SBF2: variants seen among roughly 807,000 people sequenced by gnomAD.
The protein encoded by SBF2 is SET binding factor 2.
SBF2 carries 112 observed loss-of-function variants against 225.2 expected under a neutral mutation model. That is an observed-to-expected ratio of 0.50 (90% CI 0.43 to 0.58). SBF2 has a LOEUF of 0.58. Ranked by LOEUF, SBF2 falls within the 20% of genes least tolerant of loss-of-function variation. The probability of loss-of-function intolerance (pLI) is 0.00; values close to 1 mark genes in which losing one functional copy is unlikely to be tolerated. For synonymous variants in SBF2, 763 were observed against 773.3 expected (o/e 0.99, Z 0.22); for missense variants, 1,996 against 2,206.2 (o/e 0.90, Z 1.91).
intron 1 of SBF2, among the ~76,000 whole-genome samples, chr11:10,229,001 T>G (rs544127067): frequency 1.3e-5 from 2 of 152,324 alleles, no homozygotes. Flanking sequence ...TTTCAGCTCC[T>G]GTTATTGGTC....
chr11:10,260,632 G>A (rs1371326484), intron 1 of SBF2, among the ~76,000 whole-genome samples: 1 of 151,372 alleles, frequency 6.6e-6, no homozygotes, highest in Non-Finnish European at 1.5e-5. Flanking sequence ...GAACCCAGGA[G>A]GCAGAGCTTG....
At chr11:9,935,894 T>A (rs1455904486) in intron 16 of SBF2, among the ~76,000 whole-genome samples, 1 of 152,178 alleles carries the variant, frequency 6.6e-6, no homozygotes, top group Non-Finnish European at 1.5e-5. Flanking sequence ...GACACAGGCA[T>A]TGGTAAGGAC....
At chr11:10,122,062 T>C (rs1283974792) in intron 2 of SBF2, among the ~76,000 whole-genome samples, 1 of 152,144 alleles carries the variant, frequency 6.6e-6, no homozygotes, top group East Asian at 1.9e-4. Flanking sequence ...AGAGAAGCCA[T>C]AAAGTGCTTC....
At chr11:10,096,847 G>A (rs746467705) in intron 2 of SBF2, among the ~76,000 whole-genome samples, 1 of 151,998 alleles carries the variant, frequency 6.6e-6, no homozygotes, top group African/African-American at 2.4e-5. Context: ...AAATTATAGT[G>A]CTAATCATTC....
Position 10,015,632 on chromosome 11 carries a change from C to T in SBF2, c.619+12820G>A, listed in dbSNP as rs138453017. ...CTTGAGGTAGATTTTGACAGAGATG[C>T]ATTAGTTAAGGAGAAAAGAAAAGCA... is the stretch of plus-strand genomic sequence containing the variant. On this transcript the variant is annotated intron_variant, in intron 6 of 39. Coordinates refer to ENST00000256190, the MANE Select transcript of SBF2 (RefSeq NM_030962.4). Among the ~76,000 whole-genome samples the T allele has an allele frequency of 3.8e-3, 578 of 152,222 alleles. 4 individuals are homozygous for T. Among genetic ancestry groups the T allele is most frequent in the South Asian group, 5.2e-3 (25 of 4,810 alleles).
intron 1 of SBF2, among the ~76,000 whole-genome samples, chr11:10,208,616 G>T (rs562614442): frequency 7.2e-5 from 11 of 152,064 alleles, no homozygotes; most frequent in Non-Finnish European, 1.5e-4. Context: ...AAAAGAAGCT[G>T]TTTTTTGGCA....
chr11:10,221,376 C>T (rs1250279714), intron 1 of SBF2, among the ~76,000 whole-genome samples: 1 of 152,192 alleles, frequency 6.6e-6, no homozygotes, highest in Non-Finnish European at 1.5e-5. Flanking sequence ...CCTCAGCCTC[C>T]TAAAGTGCTG....
intron 17 of SBF2, among the ~76,000 whole-genome samples, chr11:9,875,302 G>A (rs1022973196): frequency 6.6e-6 from 1 of 152,166 alleles, no homozygotes; most frequent in African/African-American, 2.4e-5. Flanking sequence ...AACTGTTCTA[G>A]GACTGCAGAT....
intron 32 of SBF2, among the ~76,000 whole-genome samples, chr11:9,800,331 T>C (rs2133881770): frequency 6.6e-6 from 1 of 152,332 alleles, no homozygotes; most frequent in South Asian, 2.1e-4. Context: ...GGTTTACACA[T>C]ATTTTCTCCC....
rs190876131 is a variant in SBF2, at chr11:9,837,202, A to G, written c.3455+2296T>C. Reference sequence around the variant, plus strand: ...TTTTAATATTTTATTTATTTCTAAGATAAGTAATTTCCTGTGTAGGATTTT... The same window carrying G: ...TTTTAATATTTTATTTATTTCTAAGGTAAGTAATTTCCTGTGTAGGATTTT... On this transcript the variant is annotated intron_variant, in intron 26 of 39. Transcript: ENST00000256190. Among the ~76,000 whole-genome samples, 9 of 152,312 alleles carry G rather than the reference A, an allele frequency of 5.9e-5. No individual in the cohort carries two copies. The East Asian group carries it at 1.2e-3, about 20-fold the overall frequency.
intron 1 of SBF2, among the ~76,000 whole-genome samples, chr11:10,288,349 A>G (rs1963935268): frequency 6.6e-6 from 1 of 152,224 alleles, no homozygotes; most frequent in Non-Finnish European, 1.5e-5. Context: ...GCAATAGAAC[A>G]GCTCAAAGAC....
chr11:9,901,868 C>G (rs1180167585), intron 16 of SBF2, among the ~76,000 whole-genome samples: 1 of 152,160 alleles, frequency 6.6e-6, no homozygotes, highest in Non-Finnish European at 1.5e-5. Flanking sequence ...TGGAATCAAA[C>G]TCCTGAACTC....
intron 16 of SBF2, among the ~76,000 whole-genome samples, chr11:9,951,478 T>C (rs1245783204): frequency 6.6e-6 from 1 of 152,046 alleles, no homozygotes; most frequent in African/African-American, 2.4e-5. Flanking sequence ...AAGCAAGAGA[T>C]GGTAATGCAG....
At chr11:10,053,509 G>A (rs537659533) in intron 2 of SBF2, among the ~76,000 whole-genome samples, 1 of 152,160 alleles carries the variant, frequency 6.6e-6, no homozygotes, top group Non-Finnish European at 1.5e-5. Flanking sequence ...TAAAGTAACA[G>A]AAGCTTTAGG....
chr11:10,167,906 T>A (rs1382573059), intron 2 of SBF2, among the ~76,000 whole-genome samples: 1 of 152,052 alleles, frequency 6.6e-6, no homozygotes, highest in Non-Finnish European at 1.5e-5. Flanking sequence ...TAATCCCAGC[T>A]ACTTGGGAGG....
intron 17 of SBF2, among the ~76,000 whole-genome samples, chr11:9,865,688 C>CCAA (rs1858146170): frequency 6.7e-5 from 1 of 14,838 alleles, no homozygotes; most frequent in East Asian, 2.7e-3. Context: ...AAAACTGTCT[C>CCAA]AAAAAAAAAA....
chr11:10,190,033 C>T (rs1314362670), intron 2 of SBF2, among the ~76,000 whole-genome samples: 1 of 152,098 alleles, frequency 6.6e-6, no homozygotes, highest in Non-Finnish European at 1.5e-5. Flanking sequence ...TGCCTGTAAT[C>T]CCAGCTACTT....
At chr11:10,174,837 A>C in intron 2 of SBF2, among the ~76,000 whole-genome samples, 2 of 151,722 alleles carry the variant, frequency 1.3e-5, no homozygotes, top group Admixed American at 6.6e-5. Context: ...ACAAGCCAGA[A>C]GACAGTGGGG....
chr11:9,895,930 C>A lies in SBF2; in HGVS notation c.1929+13G>T, dbSNP rs1564969286. 4 of 1,581,190 alleles carry A rather than the reference C, an allele frequency of 2.5e-6. No homozygotes were observed. Among genetic ancestry groups the A allele is most frequent in the South Asian group, 2.2e-5 (2 of 90,364 alleles). ...AATCATAACAAGCTTATATATGGAC[C>A]AATGAAACTTACCCTATAGAAAGCA... On this transcript the variant is annotated intron_variant, in intron 17 of 39. Transcript: ENST00000256190.
Sources: gnomAD v4.1 joint callset for allele counts (sites outside exome capture counted in the v4.1 genomes callset) on GRCh38, gnomAD v4.1.1 for gene constraint, MANE v1.5 for transcripts, NCBI Gene and HGNC (gene_info 2026-07-23, HGNC 2026-07-21) for gene names.